The following GNAQ variants were observed in gnomAD, a reference collection of about 807,000 sequenced individuals.
GNAQ encodes the protein guanine nucleotide-binding protein G(q) subunit alpha.
Under a neutral mutation model 43.9 loss-of-function variants are expected in GNAQ, and 8 were observed. The observed-to-expected ratio is 0.18, with a 90% CI of 0.11 to 0.33. The LOEUF is 0.33. GNAQ is among the 10% of genes least tolerant of loss of function. GNAQ has a pLI of 1.00. For synonymous variants in GNAQ, 155 were observed against 170.7 expected (o/e 0.91, Z 0.71); for missense variants, 158 against 450.8 (o/e 0.35, Z 5.88).
At chr9:77,920,617 C>A (rs1425678776) in intron 2 of GNAQ, among the ~76,000 whole-genome samples, 4 of 152,196 alleles carry the variant, frequency 2.6e-5, no homozygotes, top group African/African-American at 4.8e-5. Context: ...CTTTCAAATT[C>A]AGACTACTTA....
chr9:78,028,461 A>G (rs1824009311), intron 1 of GNAQ, among the ~76,000 whole-genome samples: 1 of 152,196 alleles, frequency 6.6e-6, no homozygotes, highest in South Asian at 2.1e-4. Context: ...TATTATTAAT[A>G]CACAAAAGTA....
intron 6 of GNAQ, 91 bp from the exon 7 acceptor site, chr9:77,721,604 C>A: frequency 1.3e-6 from 1 of 784,122 alleles, no homozygotes; most frequent in South Asian, 1.6e-5. Context: ...TGTCATTGCT[C>A]ATGAAGCCTA....
chr9:77,915,591 T>G (rs1031944659), intron 2 of GNAQ, among the ~76,000 whole-genome samples: 1 of 148,210 alleles, frequency 6.7e-6, no homozygotes, highest in East Asian at 2.0e-4. Context: ...CATTACTATT[T>G]GTCACAGATG....
intron 1 of GNAQ, among the ~76,000 whole-genome samples, chr9:78,007,072 C>T (rs985749966): frequency 2.0e-5 from 3 of 152,160 alleles, no homozygotes; most frequent in African/African-American, 7.2e-5. Context: ...AGAAGTCAGA[C>T]TGCACTTGTA....
intron 5 of GNAQ, among the ~76,000 whole-genome samples, chr9:77,762,462 C>A: frequency 7.2e-6 from 1 of 139,430 alleles, no homozygotes; most frequent in South Asian, 2.4e-4. Context: ...CCGCCCCATC[C>A]GGGAGGGAGG....
intron 1 of GNAQ, among the ~76,000 whole-genome samples, chr9:77,966,025 C>A (rs1823163468): frequency 6.6e-6 from 1 of 151,992 alleles, no homozygotes; most frequent in African/African-American, 2.4e-5. Context: ...TATTGACACA[C>A]AACAACATAA....
intron 3 of GNAQ, among the ~76,000 whole-genome samples, chr9:77,809,782 T>C (rs7040473): frequency 0.011 from 1,659 of 152,288 alleles, 29 homozygotes; most frequent in African/African-American, 0.031. Context: ...CTAATCAAAG[T>C]AGAAGGGAAG....
intron 2 of GNAQ, among the ~76,000 whole-genome samples, chr9:77,855,597 CG>C (rs1827741538): frequency 1.3e-5 from 2 of 151,958 alleles, no homozygotes; most frequent in South Asian, 4.2e-4. Flanking sequence ...ATAAAAACCC[CG>C]TAATTAAACA....
intron 2 of GNAQ, among the ~76,000 whole-genome samples, chr9:77,912,043 G>C (rs960432610): frequency 2.0e-5 from 3 of 151,932 alleles, no homozygotes; most frequent in Non-Finnish European, 2.9e-5. Context: ...CTACCTGCCA[G>C]TTAAAAAAAT....
chr9:77,783,883 A>G (rs1826435041), intron 5 of GNAQ, among the ~76,000 whole-genome samples: 1 of 152,174 alleles, frequency 6.6e-6, no homozygotes, highest in African/African-American at 2.4e-5. Context: ...TGTGGGCAAC[A>G]TAGCAAGACC....
chr9:78,028,759 A>C (rs1824013237), intron 1 of GNAQ, among the ~76,000 whole-genome samples: 1 of 152,222 alleles, frequency 6.6e-6, no homozygotes, highest in Non-Finnish European at 1.5e-5. Flanking sequence ...GGAATTCCTC[A>C]AATGAAATCC....
chr9:77,835,212 T>C (rs1010610986), intron 2 of GNAQ, among the ~76,000 whole-genome samples: 2 of 152,080 alleles, frequency 1.3e-5, no homozygotes, highest in East Asian at 3.9e-4. Context: ...TCTGGATTTC[T>C]CCATTTAATA....
intron 2 of GNAQ, among the ~76,000 whole-genome samples, chr9:77,863,120 G>A (rs1331376041): frequency 3.3e-5 from 5 of 151,114 alleles, no homozygotes; most frequent in Non-Finnish European, 5.9e-5. Context: ...GTTGCAGTGA[G>A]CTGAGACTGA....
At chr9:77,789,658 T>C (rs903534387) in intron 5 of GNAQ, among the ~76,000 whole-genome samples, 2 of 152,186 alleles carry the variant, frequency 1.3e-5, no homozygotes, top group African/African-American at 4.8e-5. Context: ...TAATTAGTTG[T>C]AATTACAAAT....
chr9:77,987,060 C>T (rs1181398339), intron 1 of GNAQ, among the ~76,000 whole-genome samples: 2 of 152,156 alleles, frequency 1.3e-5, no homozygotes, highest in African/African-American at 4.8e-5. Context: ...ACTACCCTCA[C>T]TACATGCATC....
chr9:78,014,616 A>C (rs1196389991), intron 1 of GNAQ, among the ~76,000 whole-genome samples: 1 of 152,178 alleles, frequency 6.6e-6, no homozygotes, highest in East Asian at 1.9e-4. Context: ...AAAACAAAAC[A>C]AAACAAACTT....
At chr9:77,781,510 T>G (rs1161268082) in intron 5 of GNAQ, among the ~76,000 whole-genome samples, 2 of 152,224 alleles carry the variant, frequency 1.3e-5, no homozygotes, top group East Asian at 3.9e-4. Flanking sequence ...ACCTCCTAAC[T>G]CATTATGAGG....
chr9:77,843,480 G>T (rs1266216869), intron 2 of GNAQ, among the ~76,000 whole-genome samples: 1 of 152,140 alleles, frequency 6.6e-6, no homozygotes, highest in East Asian at 1.9e-4. Context: ...AGATAATTGA[G>T]TGATGATTTA....
intron 5 of GNAQ, among the ~76,000 whole-genome samples, chr9:77,772,699 G>A (rs1195032628): frequency 2.6e-5 from 4 of 152,164 alleles, no homozygotes; most frequent in Non-Finnish European, 5.9e-5. Context: ...TCCTGGTTAC[G>A]TCAGCTAGTC....
Sources: gnomAD v4.1 joint callset for allele counts (sites outside exome capture counted in the v4.1 genomes callset) on GRCh38, gnomAD v4.1.1 for gene constraint, MANE v1.5 for transcripts, NCBI Gene and HGNC (gene_info 2026-07-23, HGNC 2026-07-21) for gene names.